Variants in ATXN7L1 observed in about 807,000 individuals in gnomAD.
The protein encoded by ATXN7L1 is ataxin 7 like 1.
ATXN7L1 carries 15 observed loss-of-function variants against 70.8 expected under a neutral mutation model. That is an observed-to-expected ratio of 0.21 (90% CI 0.14 to 0.33). The LOEUF (loss-of-function observed/expected upper bound fraction) is 0.33. ATXN7L1 is among the 10% of genes least tolerant of loss of function. The pLI, the probability that ATXN7L1 is intolerant of heterozygous loss-of-function variation, is 1.00. For synonymous variants in ATXN7L1, 440 were observed against 445.1 expected, an observed-to-expected ratio of 0.99 and a Z score of 0.14; for missense variants, 975 against 1,097.1, an observed-to-expected ratio of 0.89 and a Z score of 1.57.
intron 2 of ATXN7L1, among the ~76,000 whole-genome samples, chr7:105,863,814 C>A (rs1816983258): frequency 6.6e-6 from 1 of 152,084 alleles, no homozygotes; most frequent in South Asian, 2.1e-4. Flanking sequence ...GTGCCTGGCA[C>A]CTAGTTAATG....
At chr7:105,850,033 G>A (rs977808390) in intron 2 of ATXN7L1, among the ~76,000 whole-genome samples, 1 of 152,112 alleles carries the variant, frequency 6.6e-6, no homozygotes, top group Admixed American at 6.5e-5. Flanking sequence ...TTAAAATCAG[G>A]ATGTCTTAGA....
intron 2 of ATXN7L1, among the ~76,000 whole-genome samples, chr7:105,815,454 G>C (rs1466969607): frequency 6.6e-6 from 1 of 152,240 alleles, no homozygotes; most frequent in Non-Finnish European, 1.5e-5. Context: ...CAAGGACTCA[G>C]AATGGCACTG....
At chr7:105,784,734 T>C (rs1385876102) in intron 3 of ATXN7L1, among the ~76,000 whole-genome samples, 3 of 152,186 alleles carry the variant, frequency 2.0e-5, no homozygotes, top group Non-Finnish European at 4.4e-5. Context: ...GTACCCATTT[T>C]ACAGATGAAG....
chr7:105,861,838 A>G (rs1039395062), intron 2 of ATXN7L1, among the ~76,000 whole-genome samples: 2 of 152,344 alleles, frequency 1.3e-5, no homozygotes, highest in African/African-American at 4.8e-5. Flanking sequence ...AGGGTTGTCT[A>G]CTGTTTAAAG....
chr7:105,782,982 C>T (rs1289923137), intron 3 of ATXN7L1, among the ~76,000 whole-genome samples: 2 of 152,218 alleles, frequency 1.3e-5, no homozygotes, highest in South Asian at 2.1e-4. Context: ...AAAATAGCCA[C>T]AATTTATTGA....
At chr7:105,871,057 T>A (rs1818186941) in intron 2 of ATXN7L1, among the ~76,000 whole-genome samples, 1 of 150,560 alleles carries the variant, frequency 6.6e-6, no homozygotes, top group Non-Finnish European at 1.5e-5. Flanking sequence ...TGAAGTAGTT[T>A]AAGATATTTT....
intron 3 of ATXN7L1, among the ~76,000 whole-genome samples, chr7:105,739,234 C>G (rs778704888): frequency 6.6e-6 from 1 of 152,128 alleles, no homozygotes; most frequent in Non-Finnish European, 1.5e-5. Context: ...CGCTTTTTGC[C>G]ATTTTAAAAA....
intron 2 of ATXN7L1, among the ~76,000 whole-genome samples, chr7:105,857,234 C>T (rs1815875018): frequency 6.6e-6 from 1 of 152,146 alleles, no homozygotes; most frequent in Non-Finnish European, 1.5e-5. Context: ...TTACTGTGGC[C>T]CATGTAAAAC....
chr7:105,754,502 T>C (rs954723037), intron 3 of ATXN7L1, among the ~76,000 whole-genome samples: 5 of 152,110 alleles, frequency 3.3e-5, no homozygotes, highest in Non-Finnish European at 7.4e-5. Flanking sequence ...GCATTAGTAG[T>C]ACAGTGGTGA....
At chr7:105,698,888 C>A (rs958337672) in intron 3 of ATXN7L1, among the ~76,000 whole-genome samples, 1 of 149,352 alleles carries the variant, frequency 6.7e-6, no homozygotes, top group African/African-American at 2.5e-5. Context: ...TTTGCATGAA[C>A]AAATGAAGTC....
intron 2 of ATXN7L1, among the ~76,000 whole-genome samples, chr7:105,837,982 C>A (rs1416029248): frequency 6.6e-6 from 1 of 152,194 alleles, no homozygotes; most frequent in Non-Finnish European, 1.5e-5. Flanking sequence ...AAAGAATGAA[C>A]CAAGTCTTCT....
chr7:105,836,237 T>G (rs1017786933), intron 2 of ATXN7L1, among the ~76,000 whole-genome samples: 2 of 152,182 alleles, frequency 1.3e-5, no homozygotes, highest in East Asian at 3.9e-4. Flanking sequence ...ATATGCCTAC[T>G]GCACAGAACA....
At chr7:105,849,652 T>G (rs1389638132) in intron 2 of ATXN7L1, among the ~76,000 whole-genome samples, 2 of 152,240 alleles carry the variant, frequency 1.3e-5, no homozygotes, top group Non-Finnish European at 2.9e-5. Context: ...ATTTTCCTTC[T>G]AAGTGAAGTG....
chr7:105,726,477 C>T (rs1021091817), intron 3 of ATXN7L1, among the ~76,000 whole-genome samples: 1 of 152,114 alleles, frequency 6.6e-6, no homozygotes, highest in Non-Finnish European at 1.5e-5. Flanking sequence ...GCTGGCAGAA[C>T]CAGGTGTGGA....
intron 2 of ATXN7L1, among the ~76,000 whole-genome samples, chr7:105,844,883 C>T (rs182834305): frequency 7.2e-5 from 11 of 152,170 alleles, no homozygotes; most frequent in South Asian, 4.2e-4. Flanking sequence ...AAGTTTAACA[C>T]GGTTGCGGAA....
At chr7:105,776,512 C>T (rs1039412814) in intron 3 of ATXN7L1, among the ~76,000 whole-genome samples, 4 of 148,750 alleles carry the variant, frequency 2.7e-5, no homozygotes, top group African/African-American at 9.9e-5. Flanking sequence ...CCAAAACAAA[C>T]AAACAAACAA....
chr7:105,713,829 C>A (rs1794209244), intron 3 of ATXN7L1, among the ~76,000 whole-genome samples: 1 of 152,170 alleles, frequency 6.6e-6, no homozygotes, highest in Admixed American at 6.5e-5. Flanking sequence ...TCTGGTACCC[C>A]ACAGCAAGAA....
chr7:105,721,847 T>C (rs752928822), intron 3 of ATXN7L1, among the ~76,000 whole-genome samples: 4 of 152,194 alleles, frequency 2.6e-5, no homozygotes, highest in Non-Finnish European at 4.4e-5. Flanking sequence ...GCTGCTTCTC[T>C]CAGACCAAAC....
At position 105,706,241 on chromosome 7, in the gene ATXN7L1, TG is replaced by T. The variant is rs1793142122; in HGVS notation, c.356-40954del. Reference sequence around the variant, plus strand: ...TGGAGTATCGCCCTGTCGCCCAGGCTGGAGTGCAGTGGCACTATCTCAGCCC... The same window carrying T: ...TGGAGTATCGCCCTGTCGCCCAGGCTGAGTGCAGTGGCACTATCTCAGCCC... On this transcript the variant is annotated intron_variant, in intron 3 of 11. Transcript: ENST00000419735. 2.6e-5 allele frequency among the ~76,000 whole-genome samples: 4 copies of T among 151,730 alleles called. No individual in the cohort carries two copies. In the South Asian group the frequency reaches 8.3e-4, roughly 32 times the overall value.
Sources: allele counts gnomAD v4.1 joint callset (sites outside exome capture counted in the v4.1 genomes callset), GRCh38; gene constraint gnomAD v4.1.1; transcripts MANE v1.5; gene names NCBI Gene and HGNC (gene_info 2026-07-23, HGNC 2026-07-21).